C16orf96: variants seen among roughly 807,000 people sequenced by gnomAD.
C16orf96 encodes chromosome 16 open reading frame 96, also known as uncharacterized protein C16orf96.
Under a neutral mutation model 103.6 loss-of-function variants are expected in C16orf96, and 108 were observed. The observed-to-expected ratio is 1.04, with a 90% CI of 0.89 to 1.22. The LOEUF (loss-of-function observed/expected upper bound fraction) is 1.22. Among genes scored for constraint, C16orf96 ranks in the 50% most tolerant of loss-of-function variants. C16orf96 has a pLI of 0.00. For missense variants in C16orf96, 1,586 were observed against 1,464.2 expected, an observed-to-expected ratio of 1.08 and a Z score of -1.36; for synonymous variants, 566 against 593.5, an observed-to-expected ratio of 0.95 and a Z score of 0.67.
At chr16:4,582,544 G>T (rs898842269) in intron 7 of C16orf96, among the ~76,000 whole-genome samples, 17 of 152,242 alleles carry the variant, frequency 1.1e-4, no homozygotes, top group Admixed American at 3.3e-4. Context: ...TGAAGTGGGG[G>T]TGGACAGGAG....
intron 7 of C16orf96, among the ~76,000 whole-genome samples, chr16:4,582,728 G>A (rs993204744): frequency 6.6e-6 from 1 of 152,114 alleles, no homozygotes; most frequent in East Asian, 1.9e-4. Flanking sequence ...CATGGAGCTG[G>A]AGCCAGTTCC....
intron 11 of C16orf96, among the ~76,000 whole-genome samples, chr16:4,592,589 A>G (rs1464068062): frequency 6.6e-6 from 1 of 152,218 alleles, no homozygotes; most frequent in Non-Finnish European, 1.5e-5. Flanking sequence ...CGTCAAGTCC[A>G]TACACATCCA....
intron 7 of C16orf96, 107 bp from the exon 8 acceptor site, chr16:4,586,932 C>T (rs568439169): frequency 2.0e-4 from 201 of 1,008,680 alleles, no homozygotes; most frequent in Middle Eastern, 9.2e-4. Flanking sequence ...GCTGTCCACA[C>T]GGCCTGCTAT....
the C16orf96 span, among the ~76,000 whole-genome samples, chr16:4,550,376 A>C: frequency 1.3e-5 from 2 of 152,162 alleles, no homozygotes; most frequent in African/African-American, 4.8e-5. Flanking sequence ...TTTTTGTAAT[A>C]CAAAACCCCA....
chr16:4,543,898 T>C, the C16orf96 span, among the ~76,000 whole-genome samples: 1 of 152,066 alleles, frequency 6.6e-6, no homozygotes, highest in Non-Finnish European at 1.5e-5. Context: ...CACCTAGGCC[T>C]CCCAAAGTGC....
At position 4,575,857 on chromosome 16, in the gene C16orf96, G is replaced by C. The variant is rs891387562; in HGVS notation, c.1377G>C (p.Glu459Asp). ...LQLAAVQVKG[E>D]ENDVPSLRGL... Reference sequence around the variant, plus strand: ...TCGCAGCTGTCCAAGTAAAGGGGGAGGAAAATGATGTCCCCAGCCTAAGGG... The same window carrying C: ...TCGCAGCTGTCCAAGTAAAGGGGGACGAAAATGATGTCCCCAGCCTAAGGG... The change falls in exon 5 of 16, where the codon GAG (glutamate) becomes GAC (aspartate). Residue 459 changes from glutamate (E) to aspartate (D), a missense_variant. By Grantham distance (45) the Glu-to-Asp change is conservative. Transcript: ENST00000444310. The C allele has an allele frequency of 1.2e-5, 19 of 1,551,530 alleles. No individual in the cohort carries two copies. The highest frequency in any genetic ancestry group is 1.7e-5 in the Non-Finnish European group (19 of 1,147,000).
intron 5 of C16orf96, among the ~76,000 whole-genome samples, chr16:4,577,106 G>A (rs562626517): frequency 2.8e-4 from 42 of 152,200 alleles, no homozygotes; most frequent in Non-Finnish European, 5.6e-4. Flanking sequence ...CAGGAGAATC[G>A]CTTGAACCCA....
chr16:4,591,296 G>A (rs992586231), intron 9 of C16orf96, among the ~76,000 whole-genome samples: 2 of 152,182 alleles, frequency 1.3e-5, no homozygotes, highest in Non-Finnish European at 2.9e-5. Context: ...TTTACATACA[G>A]ACCGTCAATA....
intron 7 of C16orf96, among the ~76,000 whole-genome samples, chr16:4,584,002 C>T (rs956696626): frequency 1.3e-5 from 2 of 150,698 alleles, no homozygotes; most frequent in Non-Finnish European, 2.9e-5. Context: ...ATGACCACTA[C>T]AGGAAGGATG....
the C16orf96 span, chr16:4,538,956 C>T: frequency 6.6e-6 from 1 of 152,276 alleles, no homozygotes; most frequent in Admixed American, 6.5e-5. Context: ...GTACACGAGG[C>T]TGGAGAATAG....
upstream of C16orf96, among the ~76,000 whole-genome samples, chr16:4,555,369 T>C (rs190911390): frequency 7.2e-5 from 11 of 151,770 alleles, no homozygotes; most frequent in East Asian, 2.1e-3. Flanking sequence ...ATGTAGTTCT[T>C]CAGATTCTTT....
upstream of C16orf96, among the ~76,000 whole-genome samples, chr16:4,555,994 C>T (rs912186466): frequency 2.6e-5 from 4 of 152,128 alleles, no homozygotes; most frequent in Non-Finnish European, 5.9e-5. Context: ...ACCCCCACAC[C>T]CACCCAGCCA....
At chr16:4,548,323 C>T in the C16orf96 span, among the ~76,000 whole-genome samples, 88 of 152,320 alleles carry the variant, frequency 5.8e-4, no homozygotes, top group African/African-American at 1.9e-3. Flanking sequence ...GCTCCTCCTC[C>T]CTGGCACCCA....
chr16:4,542,320 G>T, the C16orf96 span, among the ~76,000 whole-genome samples: 1 of 151,968 alleles, frequency 6.6e-6, no homozygotes, highest in South Asian at 2.1e-4. Context: ...AGCAAGAATT[G>T]CGCCATTGCA....
intron 5 of C16orf96, among the ~76,000 whole-genome samples, chr16:4,577,602 G>A (rs1258982435): frequency 2.0e-5 from 3 of 150,790 alleles, no homozygotes; most frequent in Non-Finnish European, 4.4e-5. Context: ...AGTGAGCCGA[G>A]ATCGTGCCAC....
rs1296812196 is a variant in C16orf96, at chr16:4,592,348, G to A, written c.2755G>A (p.Val919Met). ...RVKCISCDRP[V>M]EMMTGPQLIT... The stretch of plus-strand genomic sequence containing the variant: ...GAAGTGCATCTCCTGTGACCGGCCT[G>A]TGGAGATGATGACTGGCCCGTGAGT... Residue 919 changes from valine to methionine, a missense_variant, in exon 11 of 16, where the codon GTG becomes ATG. Val to Met is a conservative substitution (Grantham distance 21, BLOSUM62 1). Transcript: ENST00000444310. The A allele has an allele frequency of 6.4e-7, 1 of 1,551,570 alleles. No homozygotes were observed. The highest frequency in any genetic ancestry group is 1.4e-5 in the African/African-American group (1 of 73,062).
the C16orf96 span, among the ~76,000 whole-genome samples, chr16:4,544,305 C>T: frequency 6.6e-6 from 1 of 152,092 alleles, no homozygotes; most frequent in African/African-American, 2.4e-5. Flanking sequence ...CGGCCCTCTC[C>T]AAAATATTTC....
intron 14 of C16orf96, among the ~76,000 whole-genome samples, chr16:4,598,120 A>G (rs1897211617): frequency 6.6e-6 from 1 of 152,144 alleles, no homozygotes; most frequent in Non-Finnish European, 1.5e-5. Flanking sequence ...GGGAAGCTGA[A>G]GCCTGAGGAT....
upstream of C16orf96, among the ~76,000 whole-genome samples, chr16:4,553,598 C>G (rs1266914097): frequency 3.3e-5 from 5 of 152,078 alleles, no homozygotes; most frequent in African/African-American, 1.2e-4. Flanking sequence ...CTGCCTCAGC[C>G]TCTTGAGTAG....
Sources: allele counts gnomAD v4.1 joint callset (sites outside exome capture counted in the v4.1 genomes callset), GRCh38; gene constraint gnomAD v4.1.1; transcripts MANE v1.5; gene names NCBI Gene and HGNC (gene_info 2026-07-23, HGNC 2026-07-21).